Variants in GPM6A observed in about 807,000 individuals in gnomAD.
GPM6A encodes the protein neuronal membrane glycoprotein M6-a.
GPM6A carries 7 observed loss-of-function variants against 32.1 expected under a neutral mutation model. The ratio of observed to expected loss-of-function variants is 0.22; its 90% CI spans 0.12 to 0.41. The LOEUF is 0.41. GPM6A is among the 10% of genes least tolerant of loss of function. GPM6A has a pLI of 1.00. For missense variants in GPM6A, 235 were observed against 347.2 expected (o/e 0.68, Z 2.57); for synonymous variants, 130 against 123.4 (o/e 1.05, Z -0.35).
chr4:175,796,234 TAA>T (rs1167097710), intron 1 of GPM6A, among the ~76,000 whole-genome samples: 3 of 152,164 alleles, frequency 2.0e-5, no homozygotes, highest in Non-Finnish European at 2.9e-5. Flanking sequence ...CTTTTATCAA[TAA>T]GAGTTATATT....
At chr4:175,914,504 G>A (rs1174741480) in intron 1 of GPM6A, among the ~76,000 whole-genome samples, 1 of 152,132 alleles carries the variant, frequency 6.6e-6, no homozygotes, top group Non-Finnish European at 1.5e-5. Flanking sequence ...TGTATTTTGA[G>A]TAGAGACAGG....
chr4:175,765,663 C>T (rs1303468569), intron 1 of GPM6A, among the ~76,000 whole-genome samples: 3 of 152,074 alleles, frequency 2.0e-5, no homozygotes, highest in Admixed American at 2.0e-4. Context: ...CATATGTCAC[C>T]TCTTTGTTTC....
At chr4:175,714,007 T>A (rs1745697188) in intron 1 of GPM6A, among the ~76,000 whole-genome samples, 1 of 152,182 alleles carries the variant, frequency 6.6e-6, no homozygotes, top group Admixed American at 6.5e-5. Context: ...ATATTTGTAT[T>A]TAATAATATC....
At chr4:175,857,344 C>T (rs1736447308) in intron 1 of GPM6A, among the ~76,000 whole-genome samples, 2 of 151,994 alleles carry the variant, frequency 1.3e-5, no homozygotes, top group African/African-American at 4.8e-5. Context: ...CAAAGAATTA[C>T]AAGATTCTTA....
At chr4:175,983,683 T>G (rs1354712888) in intron 1 of GPM6A, among the ~76,000 whole-genome samples, 3 of 152,236 alleles carry the variant, frequency 2.0e-5, no homozygotes, top group African/African-American at 7.2e-5. Context: ...TTCAATTTGC[T>G]TAAAATTTCC....
At chr4:175,775,003 A>G (rs1161345015) in intron 1 of GPM6A, among the ~76,000 whole-genome samples, 1 of 152,140 alleles carries the variant, frequency 6.6e-6, no homozygotes, top group Non-Finnish European at 1.5e-5. Flanking sequence ...ATGGATGTAC[A>G]ATAATATCAG....
chr4:175,648,372 A>C (rs1741595529), intron 4 of GPM6A, among the ~76,000 whole-genome samples: 1 of 152,172 alleles, frequency 6.6e-6, no homozygotes, highest in Non-Finnish European at 1.5e-5. Context: ...AAGGGGAATT[A>C]AGCTTGCAGA....
intron 4 of GPM6A, among the ~76,000 whole-genome samples, chr4:175,649,824 C>T (rs1579340659): frequency 1.3e-5 from 2 of 152,098 alleles, no homozygotes; most frequent in African/African-American, 4.8e-5. Context: ...TATTTGGTAC[C>T]ATACTTGTAA....
Position 175,943,334 on chromosome 4 carries a change from T to C in GPM6A, c.-23+58975A>G, listed in dbSNP as rs1739478993. 4.6e-5 allele frequency among the ~76,000 whole-genome samples: 7 copies of C among 152,186 alleles called. No homozygotes were observed. The South Asian group carries it at 1.4e-3, about 32-fold the overall frequency. On this transcript the variant is annotated intron_variant, in intron 1 of 7. Transcript: ENST00000280187. ...AATCATGTCATCTGCAAAGAGACAA[T>C]TTGACTTCCTCTATTCCTATTTGAA...
intron 1 of GPM6A, among the ~76,000 whole-genome samples, chr4:175,770,096 A>T (rs1326315427): frequency 6.6e-6 from 1 of 152,052 alleles, no homozygotes; most frequent in Non-Finnish European, 1.5e-5. Flanking sequence ...GTGCAATCTC[A>T]GCTCACTGCA....
intron 1 of GPM6A, among the ~76,000 whole-genome samples, chr4:175,933,331 A>T (rs534180138): frequency 6.6e-6 from 1 of 152,186 alleles, no homozygotes; most frequent in Admixed American, 6.5e-5. Flanking sequence ...TTAAAATTCA[A>T]AAGTTGACAA....
At chr4:175,724,582 T>C (rs975052815) in intron 1 of GPM6A, among the ~76,000 whole-genome samples, 1 of 151,624 alleles carries the variant, frequency 6.6e-6, no homozygotes, top group African/African-American at 2.4e-5. Flanking sequence ...AATCAGAGAG[T>C]AGAATGGCAC....
chr4:175,849,597 A>T (rs908045409), intron 1 of GPM6A, among the ~76,000 whole-genome samples: 1 of 152,198 alleles, frequency 6.6e-6, no homozygotes, highest in Non-Finnish European at 1.5e-5. Flanking sequence ...TCATTGACAA[A>T]AAGATGAAAA....
intron 1 of GPM6A, among the ~76,000 whole-genome samples, chr4:175,886,676 C>T (rs927121438): frequency 6.7e-6 from 1 of 149,128 alleles, no homozygotes; most frequent in African/African-American, 2.5e-5. Context: ...CAACGAAATA[C>T]AACAGAGAAA....
chr4:175,662,643 G>T (rs955712820), intron 3 of GPM6A, among the ~76,000 whole-genome samples: 2 of 151,564 alleles, frequency 1.3e-5, no homozygotes, highest in Non-Finnish European at 2.9e-5. Context: ...CATTTAGCAG[G>T]TATTTAAATA....
intron 1 of GPM6A, among the ~76,000 whole-genome samples, chr4:175,711,786 G>T (rs1312519340): frequency 6.6e-6 from 1 of 151,718 alleles, no homozygotes; most frequent in Non-Finnish European, 1.5e-5. Context: ...GTGAAGTAGA[G>T]AGCCTGTTAG....
chr4:175,865,792 G>C (rs1324196170), intron 1 of GPM6A, among the ~76,000 whole-genome samples: 1 of 151,830 alleles, frequency 6.6e-6, no homozygotes, highest in African/African-American at 2.4e-5. Context: ...ATATTTGTCT[G>C]TAGTTTTATT....
rs140882746 is a variant in GPM6A, at chr4:175,638,765, C to T, written c.684+1364G>A. On this transcript the variant is annotated intron_variant, in intron 6 of 6. Coordinates refer to ENST00000393658, the MANE Select transcript of GPM6A (RefSeq NM_201591.3). ...TGGGTATATATTGCTTGTACATACC[C>T]GTGTCATTAAAGTTTTTGACAGCAT... Among the ~76,000 whole-genome samples the T allele has an allele frequency of 1.0e-3, 159 of 152,100 alleles. 1 individual carries two copies. The highest frequency in any genetic ancestry group is 6.8e-3 in the Middle Eastern group (2 of 292).
intron 1 of GPM6A, among the ~76,000 whole-genome samples, chr4:175,705,303 C>T (rs1368311473): frequency 6.6e-6 from 1 of 152,138 alleles, no homozygotes; most frequent in Non-Finnish European, 1.5e-5. Flanking sequence ...ACCTTTATGG[C>T]AAATACAAAT....
Sources: gnomAD v4.1 joint callset for allele counts (sites outside exome capture counted in the v4.1 genomes callset) on GRCh38, gnomAD v4.1.1 for gene constraint, MANE v1.5 for transcripts, NCBI Gene and HGNC (gene_info 2026-07-23, HGNC 2026-07-21) for gene names.